ZNF10: variants seen among roughly 807,000 people sequenced by gnomAD.
The protein encoded by ZNF10 is zinc finger protein 10 (KOX 1).
ZNF10 carries 8 observed loss-of-function variants against 12.2 expected under a neutral mutation model. The observed-to-expected ratio is 0.66, with a 90% CI of 0.39 to 1.18. The LOEUF (loss-of-function observed/expected upper bound fraction) is 1.18. ZNF10 is among the 50% of genes most tolerant of loss of function. The pLI is 0.01. For missense variants in ZNF10, 603 were observed against 678.9 expected (o/e 0.89, Z 1.24); for synonymous variants, 229 against 228.2 (o/e 1.00, Z -0.03).
chr12:133,137,221 T>C (rs1325885885), intron 1 of ZNF10, among the ~76,000 whole-genome samples: 1 of 152,118 alleles, frequency 6.6e-6, no homozygotes, highest in Non-Finnish European at 1.5e-5. Flanking sequence ...TACTACCTGG[T>C]TTTTTTTGGG....
At chr12:133,152,917 C>T (rs772745670) in intron 4 of ZNF10, among the ~76,000 whole-genome samples, 1 of 152,112 alleles carries the variant, frequency 6.6e-6, no homozygotes, top group South Asian at 2.1e-4. Context: ...GTTTAAATCT[C>T]TACTTTGAAA....
intron 4 of ZNF10, among the ~76,000 whole-genome samples, chr12:133,153,655 G>A (rs997176181): frequency 7.9e-5 from 12 of 152,274 alleles, no homozygotes; most frequent in African/African-American, 2.6e-4. Context: ...GGGTGGGATT[G>A]TATAAGGAAG....
intron 4 of ZNF10, among the ~76,000 whole-genome samples, chr12:133,155,254 A>G (rs71452557): frequency 0.024 from 3,696 of 152,060 alleles, 75 homozygotes; most frequent in East Asian, 0.084. Flanking sequence ...CACCATTGAT[A>G]CCCTGATCCC....
At position 133,158,287 on chromosome 12, in the gene ZNF10, G is replaced by A. The variant is rs1026478763; in HGVS notation, c.*1319G>A. 35 of 152,176 alleles carry A rather than the reference G, an allele frequency of 2.3e-4. No homozygotes were observed. Among genetic ancestry groups the A allele is most frequent in the South Asian group, 1.0e-3 (5 of 4,812 alleles). The allele number at this position is 152,176 out of a possible 1,614,324, so 9.4% of individuals were successfully genotyped here. On this transcript the variant is annotated 3_prime_UTR_variant, in exon 5 of 5. Coordinates refer to ENST00000248211, the MANE Select transcript of ZNF10 (RefSeq NM_015394.5). ...GGCTGTGATTATTAATAATATTGCC[G>A]CACCCTAATATCTGTTATTTAATTG...
chr12:133,153,374 A>T (rs1956019425), intron 4 of ZNF10, among the ~76,000 whole-genome samples: 1 of 152,176 alleles, frequency 6.6e-6, no homozygotes, highest in South Asian at 2.1e-4. Flanking sequence ...TAATATGTGG[A>T]AGATTTTAGG....
intron 2 of ZNF10, 27 bp downstream of exon 2, chr12:133,144,552 C>A: frequency 1.2e-6 from 2 of 1,609,228 alleles, no homozygotes; most frequent in Non-Finnish European, 1.7e-6. Flanking sequence ...TCCCAGTTTC[C>A]AACTGGGAAT....
intron 1 of ZNF10, among the ~76,000 whole-genome samples, chr12:133,141,659 G>A (rs1457330808): frequency 1.3e-5 from 2 of 151,806 alleles, no homozygotes; most frequent in Non-Finnish European, 2.9e-5. Context: ...AGAGAAAAAA[G>A]AAACCAGAAA....
At chr12:133,148,410 C>T (rs1346564992) in intron 2 of ZNF10, among the ~76,000 whole-genome samples, 4 of 152,192 alleles carry the variant, frequency 2.6e-5, no homozygotes, top group Admixed American at 2.6e-4. Context: ...CGTGAGCCAC[C>T]ATGCCTGACC....
intron 1 of ZNF10, among the ~76,000 whole-genome samples, chr12:133,141,190 A>G (rs907409352): frequency 6.6e-6 from 1 of 152,240 alleles, no homozygotes; most frequent in African/African-American, 2.4e-5. Context: ...TCTGTCTAGC[A>G]AATTGTAAAA....
chr12:133,153,906 A>G (rs866944334), intron 4 of ZNF10, among the ~76,000 whole-genome samples: 9 of 152,044 alleles, frequency 5.9e-5, no homozygotes, highest in South Asian at 4.1e-4. Context: ...GCTTGTGGAT[A>G]TATCATTCCA....
At chr12:133,135,275 T>G (rs1955904474) in intron 1 of ZNF10, among the ~76,000 whole-genome samples, 1 of 152,146 alleles carries the variant, frequency 6.6e-6, no homozygotes, top group South Asian at 2.1e-4. Context: ...TCTTTTGTTC[T>G]TACACAGCAG....
At chr12:133,148,718 C>T (rs552336574) in intron 2 of ZNF10, among the ~76,000 whole-genome samples, 1 of 150,036 alleles carries the variant, frequency 6.7e-6, no homozygotes, top group Admixed American at 6.6e-5. Context: ...TTACTTTTAA[C>T]CTCTCTAGGT....
At chr12:133,154,709 G>A (rs954954177) in intron 4 of ZNF10, among the ~76,000 whole-genome samples, 2 of 152,110 alleles carry the variant, frequency 1.3e-5, no homozygotes, top group Non-Finnish European at 2.9e-5. Context: ...CACTCATCTG[G>A]GTGTTATTCT....
chr12:133,148,025 G>A (rs1955986152), intron 2 of ZNF10, among the ~76,000 whole-genome samples: 1 of 151,998 alleles, frequency 6.6e-6, no homozygotes, highest in African/African-American at 2.4e-5. Context: ...TTATTTCCTG[G>A]TCTCTGGCTT....
intron 1 of ZNF10, among the ~76,000 whole-genome samples, chr12:133,133,751 G>A (rs1955894219): frequency 6.6e-6 from 1 of 152,184 alleles, no homozygotes; most frequent in Admixed American, 6.5e-5. Flanking sequence ...CTGTGCTTTG[G>A]AACTGCGTGT....
At chr12:133,136,704 AC>A (rs1383994522) in intron 1 of ZNF10, among the ~76,000 whole-genome samples, 1 of 152,206 alleles carries the variant, frequency 6.6e-6, no homozygotes, top group Admixed American at 6.5e-5. Flanking sequence ...GTTGATAGGA[AC>A]ATATGATCCC....
chr12:133,156,433 A>G lies in ZNF10; in HGVS notation c.1187A>G (p.Gln396Arg), dbSNP rs1387862892. 1 of 1,613,588 alleles carries G rather than the reference A, an allele frequency of 6.2e-7. No homozygotes were observed. The highest frequency in any genetic ancestry group is 1.7e-5 in the Admixed American group (1 of 59,986). Residue 396 changes from glutamine to arginine, a missense_variant, in exon 5 of 5, where the codon CAG becomes CGG. By Grantham distance (43) the Gln-to-Arg change is conservative. Coordinates refer to ENST00000248211, the MANE Select transcript of ZNF10 (RefSeq NM_015394.5). ...FRQSTHLILH[Q>R]RTHVRVRPYE... ...CAGAGCACACATCTCATTCTGCATC[A>G]GAGAACCCATGTGAGAGTGAGGCCC...
At chr12:133,146,523 A>G (rs1955977246) in intron 2 of ZNF10, among the ~76,000 whole-genome samples, 1 of 152,138 alleles carries the variant, frequency 6.6e-6, no homozygotes, top group African/African-American at 2.4e-5. Context: ...TGACAGATGC[A>G]TATAGTTGTG....
Position 133,144,470 on chromosome 12 carries a change from G to A in ZNF10, c.-23G>A, listed in dbSNP as rs769528686. 3.1e-6 allele frequency: 5 copies of A among 1,613,306 alleles called. No individual in the cohort carries two copies. Among genetic ancestry groups the A allele is most frequent in the African/African-American group, 1.3e-5 (1 of 74,894 alleles). On this transcript the variant is annotated 5_prime_UTR_variant, in exon 2 of 5. Transcript: ENST00000248211. ...CAGCACTCTGCTGTCACTCAAGGAA[G>A]TATCATCAAGAACAAGGAGGGCATG...
Sources: allele counts gnomAD v4.1 joint callset (sites outside exome capture counted in the v4.1 genomes callset), GRCh38; gene constraint gnomAD v4.1.1; transcripts MANE v1.5; gene names NCBI Gene and HGNC (gene_info 2026-07-23, HGNC 2026-07-21).